PAK2: variants seen among roughly 807,000 people sequenced by gnomAD.
PAK2 encodes serine/threonine-protein kinase PAK 2.
A neutral mutation model predicts 65.9 loss-of-function variants in PAK2; 21 were observed. The observed-to-expected ratio is 0.32, with a 90% CI of 0.23 to 0.46. PAK2 has a LOEUF of 0.46. PAK2 is among the 20% of genes least tolerant of loss of function. PAK2 has a pLI of 1.00. For synonymous variants in PAK2, 204 were observed against 219.7 expected, an observed-to-expected ratio of 0.93 and a Z score of 0.63; for missense variants, 324 against 642.6, an observed-to-expected ratio of 0.50 and a Z score of 5.36.
chr3:196,751,011 C>T (rs918169182), intron 1 of PAK2, among the ~76,000 whole-genome samples: 2 of 152,128 alleles, frequency 1.3e-5, no homozygotes, highest in African/African-American at 2.4e-5. Context: ...AACTGAAACT[C>T]GGTACTCATT....
intron 1 of PAK2, among the ~76,000 whole-genome samples, chr3:196,750,763 A>ATTTT (rs1713551564): frequency 6.6e-6 from 1 of 152,028 alleles, no homozygotes. Flanking sequence ...GTTTAAAAAA[A>ATTTT]AAAAAAACCA....
In PAK2 at chr3:196,806,584, T is replaced by A. The variant is rs769261167; in HGVS notation, c.474T>A (p.Asn158Lys). Reference protein sequence around the residue: ...DGFPSGTPALNAKGTEAPAVV... With the variant: ...DGFPSGTPALKAKGTEAPAVV... ...TTTGCTCATCATCAATGCAGCTGAA[T>A]GCCAAGGGAACAGAAGCACCCGCAG... The change falls in exon 6 of 15, where the codon AAT (asparagine) becomes AAA (lysine). Residue 158 changes from asparagine to lysine, a missense_variant. Physicochemically the swap from Asn to Lys is moderately conservative, Grantham distance 94 (BLOSUM62 0). This residue lies in a region of PAK2 where 183 missense variants were observed against 246.2 expected (regional missense o/e 0.74). Coordinates refer to ENST00000327134, the MANE Select transcript of PAK2 (RefSeq NM_002577.4). 1 of 1,602,134 alleles carries A rather than the reference T, an allele frequency of 6.2e-7. No homozygotes were observed. The highest frequency in any genetic ancestry group is 1.3e-5 in the African/African-American group (1 of 74,788).
chr3:196,745,900 C>T (rs1323173650), intron 1 of PAK2, among the ~76,000 whole-genome samples: 1 of 149,574 alleles, frequency 6.7e-6, no homozygotes, highest in African/African-American at 2.5e-5. Context: ...CAGTAAACGT[C>T]TTTATTTTGT....
rs1053974368 is a variant in PAK2, at chr3:196,747,798, T to C, written c.-22+7641T>C. 2.6e-5 allele frequency among the ~76,000 whole-genome samples: 4 copies of C among 152,224 alleles called. No homozygotes were observed. In the East Asian group the frequency reaches 7.7e-4, roughly 29 times the overall value. ...GAACTATAGTCGTTATTAATAATTCTTATTAATGTAAAAATCTTCCTAATC... is the reference window on the plus strand; with the variant it reads ...GAACTATAGTCGTTATTAATAATTCCTATTAATGTAAAAATCTTCCTAATC... On this transcript the variant is annotated intron_variant, in intron 1 of 14. Transcript: ENST00000327134.
rs139410804 is a variant in PAK2 at position 196,779,901 on chromosome 3, C to A, written c.-21-2725C>A. On this transcript the variant is annotated intron_variant, in intron 1 of 14. Transcript: ENST00000327134. ...GCCCAAGTTGGTCTCGAACTCATGA[C>A]CCCAAGCAATCCGCCCACCTTGGCC... is the stretch of plus-strand genomic sequence containing the variant. 1.5e-4 allele frequency among the ~76,000 whole-genome samples: 23 copies of A among 152,314 alleles called. No individual in the cohort carries two copies. The East Asian group carries it at 4.2e-3, about 28-fold the overall frequency.
chr3:196,765,922 C>T (rs191125008), intron 1 of PAK2, among the ~76,000 whole-genome samples: 28 of 146,722 alleles, frequency 1.9e-4, no homozygotes, highest in Admixed American at 4.1e-4. Context: ...TTTTTTTAGA[C>T]GGAGTCTTGC....
rs142301973 is a variant in PAK2, at chr3:196,794,483, G to A, written c.188-7444G>A. 7.1e-3 allele frequency among the ~76,000 whole-genome samples: 1,079 copies of A among 152,316 alleles called. 13 individuals carry two copies. Among genetic ancestry groups the A allele is most frequent in the African/African-American group, 0.024 (984 of 41,582 alleles). On this transcript the variant is annotated intron_variant, in intron 2 of 14. Coordinates refer to ENST00000327134, the MANE Select transcript of PAK2 (RefSeq NM_002577.4). ...CACCCGTTCCCCCTGTCCGCCTGGC[G>A]CCAAGTGTGGGAAAATCTCCCCCAA...
rs76178264 is a variant in PAK2 at position 196,752,274 on chromosome 3, T to C, written c.-22+12117T>C. 4.7e-3 allele frequency among the ~76,000 whole-genome samples: 711 copies of C among 152,350 alleles called. 4 individuals carry two copies. The highest frequency in any genetic ancestry group is 0.016 in the African/African-American group (676 of 41,582). On this transcript the variant is annotated intron_variant, in intron 1 of 14. Transcript: ENST00000327134. ...GTTCACCTATCAATGTTTTCTTTTTTTGCTTTGTAAATTGTATTTGGTTTG... is the reference window on the plus strand; with the variant it reads ...GTTCACCTATCAATGTTTTCTTTTTCTGCTTTGTAAATTGTATTTGGTTTG...
chr3:196,759,689 G>A (rs1713899098), intron 1 of PAK2, among the ~76,000 whole-genome samples: 2 of 151,582 alleles, frequency 1.3e-5, no homozygotes, highest in Admixed American at 1.3e-4. Flanking sequence ...ACCACGCCCA[G>A]CTAATTTTTG....
At chr3:196,781,729 T>C (rs976954268) in intron 1 of PAK2, among the ~76,000 whole-genome samples, 2 of 152,180 alleles carry the variant, frequency 1.3e-5, no homozygotes, top group Non-Finnish European at 2.9e-5. Flanking sequence ...GCAATTTGGG[T>C]GGATAAGGCG....
chr3:196,751,695 A>ATATATATATATAT (rs201718807), intron 1 of PAK2, among the ~76,000 whole-genome samples: 1 of 65,696 alleles, frequency 1.5e-5, no homozygotes, highest in Non-Finnish European at 3.0e-5. Flanking sequence ...ATATATATAT[A>ATATATATATATAT]ATTCAGGCTA....
intron 2 of PAK2, among the ~76,000 whole-genome samples, chr3:196,787,416 T>TA (rs1439616427): frequency 5.9e-5 from 9 of 151,688 alleles, no homozygotes; most frequent in Admixed American, 5.9e-4. Context: ...CCATCTCTAC[T>TA]AAAAATACAA....
chr3:196,798,735 A>C (rs1256655215), intron 2 of PAK2, among the ~76,000 whole-genome samples: 5 of 152,192 alleles, frequency 3.3e-5, no homozygotes, highest in African/African-American at 1.2e-4. Flanking sequence ...TCGTTGGTTT[A>C]AGTTTGAAAA....
intron 2 of PAK2, among the ~76,000 whole-genome samples, chr3:196,798,560 T>A (rs1256647955): frequency 1.3e-5 from 2 of 152,054 alleles, no homozygotes; most frequent in African/African-American, 4.8e-5. Context: ...GCCAAGCTGG[T>A]CTTGAACTCC....
At chr3:196,804,353 C>T (rs1222853282) in intron 4 of PAK2, among the ~76,000 whole-genome samples, 1 of 152,184 alleles carries the variant, frequency 6.6e-6, no homozygotes, top group African/African-American at 2.4e-5. Flanking sequence ...ACCAGTAAGT[C>T]TGTGTGTAAA....
In PAK2 at chr3:196,807,780, A is replaced by G; in HGVS notation, c.577-2A>G. On this transcript the variant is annotated splice_acceptor_variant, in intron 6 of 14. Transcript: ENST00000327134. LOFTEE classifies it high-confidence loss of function. ...CCTTGGTAATGAACTGTGTCTCCAC[A>G]GATTTACACACGGTCTGTAATTGAC... 1.3e-6 allele frequency: 2 copies of G among 1,578,944 alleles called. No homozygotes were observed. Among genetic ancestry groups the G allele is most frequent in the Non-Finnish European group, 1.7e-6 (2 of 1,154,312 alleles).
At chr3:196,799,681 C>G (rs1294661562) in intron 2 of PAK2, among the ~76,000 whole-genome samples, 1 of 152,176 alleles carries the variant, frequency 6.6e-6, no homozygotes, top group Non-Finnish European at 1.5e-5. Flanking sequence ...TTGAGGCAGT[C>G]TCACGCTGTG....
chr3:196,804,572 A>G (rs751268199), intron 4 of PAK2, among the ~76,000 whole-genome samples: 34 of 152,136 alleles, frequency 2.2e-4, no homozygotes, highest in Non-Finnish European at 3.8e-4. Context: ...GGTTCAAGCA[A>G]TTCTCCTGCC....
chr3:196,759,466 C>G (rs1055424912), intron 1 of PAK2, among the ~76,000 whole-genome samples: 1 of 145,328 alleles, frequency 6.9e-6, no homozygotes, highest in African/African-American at 2.6e-5. Flanking sequence ...TAAAATTCAC[C>G]CTTTAAGGTA....
Sources: gnomAD v4.1 joint callset for allele counts (sites outside exome capture counted in the v4.1 genomes callset) on GRCh38, gnomAD v4.1.1 for gene constraint, gnomAD v4.1.1 regional missense constraint, MANE v1.5 for transcripts, NCBI Gene and HGNC (gene_info 2026-07-23, HGNC 2026-07-21) for gene names.